The following KLHL14 variants were observed in gnomAD, a reference collection of about 807,000 sequenced individuals.
KLHL14 encodes kelch like family member 14.
A neutral mutation model predicts 64.3 loss-of-function variants in KLHL14; 22 were observed. That is an observed-to-expected ratio of 0.34 (90% CI 0.24 to 0.49). The LOEUF (loss-of-function observed/expected upper bound fraction) is 0.49. Among genes scored for constraint, KLHL14 ranks in the 20% least tolerant of loss-of-function variants. The probability of loss-of-function intolerance (pLI) is 0.99; values close to 1 mark genes in which losing one functional copy is unlikely to be tolerated. For missense variants in KLHL14, 661 were observed against 789.0 expected (o/e 0.84, Z 1.94); for synonymous variants, 322 against 333.4 (o/e 0.97, Z 0.37).
Position 32,769,650 on chromosome 18 carries a change from G to C in KLHL14, c.942C>G (p.Ala314=), listed in dbSNP as rs1363998312. The stretch of plus-strand genomic sequence containing the variant: ...TCCTCTTTGTTGTCTCCTACCTGCT[G>C]GCCAGGCTCTGCCTGCAGTGCTGCC... The part of the protein sequence containing the change: ...PFRQHCRQSL[A]SRIRSNKKML... Residue 314 remains alanine (A), a synonymous_variant, in exon 2 of 9, where the codon GCC becomes GCG. Transcript: ENST00000359358. 4 of 1,479,102 alleles carry C rather than the reference G, an allele frequency of 2.7e-6. No individual in the cohort carries two copies. The African/African-American group carries it at 6.0e-5, about 22-fold the overall frequency. 91.6% of individuals were successfully genotyped at this position (1,479,102 alleles called of 1,614,324 possible).
intron 3 of KLHL14, among the ~76,000 whole-genome samples, chr18:32,740,294 G>T (rs1233870623): frequency 6.6e-6 from 1 of 152,162 alleles, no homozygotes; most frequent in Non-Finnish European, 1.5e-5. Flanking sequence ...CTATCTTTGA[G>T]CAAGGTTTAA....
chr18:32,686,607 T>G (rs11659474), intron 5 of KLHL14, among the ~76,000 whole-genome samples: 86,431 of 151,876 alleles, frequency 0.57, 25,002 homozygotes, highest in East Asian at 0.67. Context: ...TGTTCTTGAA[T>G]GTATGGATTC....
chr18:32,749,814 G>T (rs2050242332), intron 2 of KLHL14, among the ~76,000 whole-genome samples: 1 of 152,092 alleles, frequency 6.6e-6, no homozygotes, highest in African/African-American at 2.4e-5. Flanking sequence ...GGTAGAAAAG[G>T]CCAGGAAAAC....
intron 5 of KLHL14, among the ~76,000 whole-genome samples, chr18:32,685,288 T>C (rs893750952): frequency 1.3e-5 from 2 of 152,130 alleles, no homozygotes; most frequent in African/African-American, 4.8e-5. Flanking sequence ...AAAAAATTAC[T>C]AATTAGGTTT....
chr18:32,693,381 C>CACAA (rs2049918851), intron 4 of KLHL14, among the ~76,000 whole-genome samples: 1 of 102,752 alleles, frequency 9.7e-6, no homozygotes. Flanking sequence ...GGATCTTACA[C>CACAA]ACACACACAC....
At chr18:32,675,850 A>G (rs1026418766) in intron 8 of KLHL14, among the ~76,000 whole-genome samples, 2 of 152,198 alleles carry the variant, frequency 1.3e-5, no homozygotes, top group African/African-American at 4.8e-5. Context: ...ATCTAGTTAT[A>G]TATGTCAATA....
intron 3 of KLHL14, among the ~76,000 whole-genome samples, chr18:32,715,358 G>A (rs9953107): frequency 0.29 from 43,676 of 151,978 alleles, 6,477 homozygotes; most frequent in Middle Eastern, 0.35. Context: ...TAATTTCACA[G>A]AAGAGACAAA....
At chr18:32,677,027 A>G (rs2049814638) in intron 8 of KLHL14, 146 bp downstream of exon 8, 2 of 874,714 alleles carry the variant, frequency 2.3e-6, no homozygotes, top group Non-Finnish European at 3.5e-6. Context: ...GGCTGATCCT[A>G]TTTTACTATC....
At chr18:32,698,061 A>G (rs2049945376) in intron 3 of KLHL14, among the ~76,000 whole-genome samples, 1 of 152,228 alleles carries the variant, frequency 6.6e-6, no homozygotes, top group South Asian at 2.1e-4. Context: ...TTATTTTAAA[A>G]AATCTATATT....
intron 8 of KLHL14, among the ~76,000 whole-genome samples, chr18:32,675,689 A>G (rs2049808006): frequency 6.6e-6 from 1 of 152,090 alleles, no homozygotes; most frequent in Non-Finnish European, 1.5e-5. Flanking sequence ...TCCTCCCCAA[A>G]CCAAGGCAGC....
chr18:32,721,523 G>A (rs2050079879), intron 3 of KLHL14, among the ~76,000 whole-genome samples: 1 of 152,180 alleles, frequency 6.6e-6, no homozygotes, highest in African/African-American at 2.4e-5. Context: ...TACACTCACT[G>A]AGCATTTGTT....
chr18:32,691,162 T>C (rs1404855256), intron 4 of KLHL14, among the ~76,000 whole-genome samples: 1 of 152,202 alleles, frequency 6.6e-6, no homozygotes, highest in Non-Finnish European at 1.5e-5. Flanking sequence ...TATAGGAATG[T>C]TTCTCTAGAT....
At chr18:32,687,288 A>G in intron 4 of KLHL14, 55 bp from the exon 5 acceptor site, 1 of 1,364,466 alleles carries the variant, frequency 7.3e-7, no homozygotes. Context: ...TGATTTGCAC[A>G]TGTAGTAGTG....
intron 7 of KLHL14, among the ~76,000 whole-genome samples, chr18:32,679,109 G>A (rs745716742): frequency 8.5e-5 from 13 of 152,108 alleles, no homozygotes; most frequent in Admixed American, 7.2e-4. Context: ...TCATTGGGGA[G>A]AGCACTTAAG....
At chr18:32,694,287 G>GT (rs1430581113) in intron 4 of KLHL14, among the ~76,000 whole-genome samples, 1 of 152,206 alleles carries the variant, frequency 6.6e-6, no homozygotes, top group Admixed American at 6.5e-5. Context: ...GCTCCTTCCA[G>GT]TTCAAATCAC....
intron 4 of KLHL14, 98 bp downstream of exon 4, chr18:32,695,365 A>G (rs750322405): frequency 9.1e-6 from 7 of 769,176 alleles, no homozygotes; most frequent in Non-Finnish European, 1.6e-5. Context: ...TTGCACAGAA[A>G]TGTATTTTCC....
At chr18:32,707,416 G>A (rs2049995856) in intron 3 of KLHL14, among the ~76,000 whole-genome samples, 1 of 152,202 alleles carries the variant, frequency 6.6e-6, no homozygotes, top group Non-Finnish European at 1.5e-5. Flanking sequence ...CAGGCCTAAG[G>A]CTGCTTCCTC....
intron 3 of KLHL14, among the ~76,000 whole-genome samples, chr18:32,701,857 A>G (rs946384907): frequency 6.6e-6 from 1 of 152,298 alleles, no homozygotes; most frequent in Middle Eastern, 3.4e-3. Context: ...TACATAACAC[A>G]TGTGGATAAT....
Position 32,727,910 on chromosome 18 carries a change from C to T in KLHL14, c.1069+14018G>A, listed in dbSNP as rs117027515. Among the ~76,000 whole-genome samples the T allele has an allele frequency of 2.9e-3, 440 of 152,074 alleles. 4 individuals are homozygous for T. The highest frequency in any genetic ancestry group is 0.01 in the Middle Eastern group (3 of 292). On this transcript the variant is annotated intron_variant, in intron 3 of 8. Transcript: ENST00000359358. ...CAGTTTTTCTCTCTTTAGAAAGTTA[C>T]GTCTTGGCACACAGCCCTTACCATT...
Sources: allele counts gnomAD v4.1 joint callset (sites outside exome capture counted in the v4.1 genomes callset), GRCh38; gene constraint gnomAD v4.1.1; transcripts MANE v1.5; gene names NCBI Gene and HGNC (gene_info 2026-07-23, HGNC 2026-07-21).